KCNJ15: variants seen among roughly 807,000 people sequenced by gnomAD.
KCNJ15 encodes the protein ATP-sensitive inward rectifier potassium channel 15.
In KCNJ15, 14 loss-of-function variants were observed where a neutral mutation model predicts 23.0. That is an observed-to-expected ratio of 0.61 (90% CI 0.40 to 0.95). The LOEUF (loss-of-function observed/expected upper bound fraction) is 0.95, where lower values mean the gene tolerates loss of function less well. Among genes scored for constraint, KCNJ15 ranks in the 40% least tolerant of loss-of-function variants. KCNJ15 has a pLI of 0.00. For synonymous variants in KCNJ15, 185 were observed against 183.2 expected (o/e 1.01, Z -0.08); for missense variants, 388 against 461.8 (o/e 0.84, Z 1.46).
chr21:38,273,565 A>G (rs551494987), intron 1 of KCNJ15, among the ~76,000 whole-genome samples: 1 of 152,296 alleles, frequency 6.6e-6, no homozygotes, highest in African/African-American at 2.4e-5. Context: ...CAATTACCCT[A>G]TTCAATTACC....
Position 38,294,381 on chromosome 21 carries a change from T to G in KCNJ15, c.-116-2545T>G, listed in dbSNP as rs1250458437. ...ACTATTTGATTTAGATTTCACTCTT[T>G]ATGCCTCATCACCCTGGTTAAAAGA... On this transcript the variant is annotated intron_variant, in intron 1 of 2. Coordinates refer to ENST00000398938, the MANE Select transcript of KCNJ15 (RefSeq NM_170736.3). 2.0e-5 allele frequency among the ~76,000 whole-genome samples: 3 copies of G among 152,208 alleles called. No homozygotes were observed. In the East Asian group the frequency reaches 5.8e-4, roughly 29 times the overall value.
Position 38,300,486 on chromosome 21 carries a change from C to A in KCNJ15, c.*97C>A. 2 of 1,070,416 alleles carry A rather than the reference C, an allele frequency of 1.9e-6. No homozygotes were observed. Among genetic ancestry groups the A allele is most frequent in the Non-Finnish European group, 2.7e-6 (2 of 738,840 alleles). 66.3% of individuals were successfully genotyped at this position (1,070,416 alleles called of 1,614,324 possible). On this transcript the variant is annotated 3_prime_UTR_variant, in exon 3 of 3. Transcript: ENST00000398938. ...TGCTGTGAAAACGAAAATGTGTAGA[C>A]GCACTCTCAAAAACTGCACGGACAT... is the stretch of plus-strand genomic sequence containing the variant.
rs1979312519 is a variant in KCNJ15, at chr21:38,245,591, GAGAGAA to G, written c.-398-11451_-398-11446del. Among the ~76,000 whole-genome samples the G allele has an allele frequency of 3.3e-5, 5 of 149,558 alleles. No homozygotes were observed. In the South Asian group the frequency reaches 6.4e-4, roughly 19 times the overall value. ...AAGAAAAGAAAGAAAGAAAGAGAGA[GAGAGAA>G]AGAAAGAAAGGAGGGAAGGAAGGAG... On this transcript the variant is annotated intron_variant, in intron 1 of 4. Coordinates refer to the KCNJ15 transcript ENST00000547341.
At chr21:38,291,662 C>G (rs1276512078) in intron 1 of KCNJ15, 1 of 152,156 alleles carries the variant, frequency 6.6e-6, no homozygotes, top group Non-Finnish European at 1.5e-5. Context: ...AGTCTAAGGT[C>G]TAACAGCATC....
At chr21:38,292,035 G>A (rs1984657750) in intron 1 of KCNJ15, among the ~76,000 whole-genome samples, 1 of 152,186 alleles carries the variant, frequency 6.6e-6, no homozygotes, top group Admixed American at 6.5e-5. Context: ...GACGCGTAGT[G>A]AGCAGGAACT....
At chr21:38,233,820 T>C (rs1978426607) in intron 1 of KCNJ15, among the ~76,000 whole-genome samples, 1 of 152,144 alleles carries the variant, frequency 6.6e-6, no homozygotes, top group Non-Finnish European at 1.5e-5. Context: ...ATAGCTCTAT[T>C]CTCTCTTCCT....
chr21:38,255,566 GGAAA>G (rs767650038), upstream of KCNJ15, among the ~76,000 whole-genome samples: 5 of 152,040 alleles, frequency 3.3e-5, no homozygotes, highest in Non-Finnish European at 2.9e-5. Context: ...TTGCTTCCAG[GGAAA>G]GAAAGAGCAA....
intron 1 of KCNJ15, among the ~76,000 whole-genome samples, chr21:38,292,604 T>G (rs1315658112): frequency 6.6e-6 from 1 of 152,192 alleles, no homozygotes; most frequent in Non-Finnish European, 1.5e-5. Context: ...CATTACAATC[T>G]TGTTGAATTT....
rs1986053042 is a variant in KCNJ15, at chr21:38,306,328, T to G, written c.*5939T>G. 6.6e-6 allele frequency: 1 copy of G among 151,108 alleles called. No individual in the cohort carries two copies. Among genetic ancestry groups the G allele is most frequent in the South Asian group, 2.1e-4 (1 of 4,792 alleles). 9.4% of individuals were successfully genotyped at this position (151,108 alleles called of 1,614,324 possible). On this transcript the variant is annotated 3_prime_UTR_variant, in exon 3 of 3. Transcript: ENST00000398938. The stretch of plus-strand genomic sequence containing the variant: ...AAGTTAGATCTACTCAAAATTAGAC[T>G]CCAAGGGAATTACTATAGTTGATTA...
intron 1 of KCNJ15, among the ~76,000 whole-genome samples, chr21:38,282,359 GA>G (rs1877858611): frequency 1.3e-5 from 2 of 152,236 alleles, no homozygotes; most frequent in African/African-American, 2.4e-5. Flanking sequence ...TGGGGAACAT[GA>G]AATACACAGA....
chr21:38,300,683 TAAAC>T lies in KCNJ15; in HGVS notation c.*296_*299del, dbSNP rs1385030819. On this transcript the variant is annotated 3_prime_UTR_variant, in exon 3 of 3. Coordinates refer to ENST00000398938, the MANE Select transcript of KCNJ15 (RefSeq NM_170736.3). The stretch of plus-strand genomic sequence containing the variant: ...GCAATTGGAATAATGTCCTGTTAGA[TAAAC>T]AGACATTTAGCAATCCTGACATTAA... 1.3e-5 allele frequency: 4 copies of T among 311,818 alleles called. No individual in the cohort carries two copies. The highest frequency in any genetic ancestry group is 2.5e-5 in the Non-Finnish European group (4 of 160,758). The allele number at this position is 311,818 out of a possible 1,614,324, so 19.3% of individuals were successfully genotyped here.
At chr21:38,288,268 C>T (rs1455289048) in intron 1 of KCNJ15, among the ~76,000 whole-genome samples, 1 of 151,772 alleles carries the variant, frequency 6.6e-6, no homozygotes, top group Non-Finnish European at 1.5e-5. Context: ...GTCTCGATCT[C>T]CTGACCTTGT....
intron 1 of KCNJ15, among the ~76,000 whole-genome samples, chr21:38,280,825 C>A (rs1272831281): frequency 1.3e-5 from 2 of 152,084 alleles, no homozygotes; most frequent in Non-Finnish European, 2.9e-5. Context: ...GTGAGAGAAG[C>A]CAGCCTCAAT....
intron 1 of KCNJ15, among the ~76,000 whole-genome samples, chr21:38,245,391 G>C (rs995414081): frequency 1.3e-5 from 2 of 151,732 alleles, no homozygotes; most frequent in Non-Finnish European, 2.9e-5. Flanking sequence ...ATGTGGTCAG[G>C]GTTGAGGCCA....
intron 1 of KCNJ15, among the ~76,000 whole-genome samples, chr21:38,278,440 A>G (rs1483139735): frequency 6.6e-6 from 1 of 152,232 alleles, no homozygotes; most frequent in East Asian, 1.9e-4. Context: ...GTGTGGAGTT[A>G]TACATACATG....
intron 1 of KCNJ15, among the ~76,000 whole-genome samples, chr21:38,294,056 A>G (rs575816989): frequency 3.3e-5 from 5 of 152,238 alleles, no homozygotes; most frequent in Admixed American, 6.5e-5. Context: ...GAGGAGAGCT[A>G]AGCCTTTATT....
chr21:38,249,678 T>C (rs1366191306), intron 1 of KCNJ15, among the ~76,000 whole-genome samples: 2 of 152,254 alleles, frequency 1.3e-5, no homozygotes, highest in African/African-American at 4.8e-5. Flanking sequence ...TTCAGAAGCC[T>C]GACTTTGGCT....
chr21:38,237,646 G>A (rs185563878), intron 1 of KCNJ15, among the ~76,000 whole-genome samples: 71 of 152,304 alleles, frequency 4.7e-4, no homozygotes, highest in African/African-American at 1.6e-3. Context: ...CAGCCATCTC[G>A]TCTTTCCTGC....
upstream of KCNJ15, among the ~76,000 whole-genome samples, chr21:38,255,188 G>A (rs957566902): frequency 1.3e-5 from 2 of 152,212 alleles, no homozygotes; most frequent in African/African-American, 4.8e-5. Flanking sequence ...GGACCTCCCA[G>A]AGGAGGTGCC....
Sources: gnomAD v4.1 joint callset for allele counts (sites outside exome capture counted in the v4.1 genomes callset) on GRCh38, gnomAD v4.1.1 for gene constraint, MANE v1.5 for transcripts, NCBI Gene and HGNC (gene_info 2026-07-23, HGNC 2026-07-21) for gene names.